The following ZMIZ1 variants were observed in gnomAD, a reference collection of about 807,000 sequenced individuals.
ZMIZ1 encodes the protein zinc finger MIZ-type containing 1, also known as zinc finger MIZ domain-containing protein 1.
In ZMIZ1, 17 loss-of-function variants were observed where a neutral mutation model predicts 113.9. The observed-to-expected ratio is 0.15, with a 90% CI of 0.10 to 0.22. The LOEUF is 0.22. ZMIZ1 is among the 10% of genes least tolerant of loss of function. The probability of loss-of-function intolerance (pLI) is 1.00; values close to 1 mark genes in which losing one functional copy is unlikely to be tolerated. For synonymous variants in ZMIZ1, 607 were observed against 603.1 expected (o/e 1.01, Z -0.09); for missense variants, 1,059 against 1,477.8 (o/e 0.72, Z 4.65).
At chr10:79,141,380 G>A (rs936898781) in intron 3 of ZMIZ1, among the ~76,000 whole-genome samples, 3 of 152,166 alleles carry the variant, frequency 2.0e-5, no homozygotes, top group African/African-American at 7.2e-5. Context: ...TAAGTTTTAA[G>A]AAGACAAATT....
At chr10:79,276,902 C>A (rs1852325590) in intron 7 of ZMIZ1, among the ~76,000 whole-genome samples, 1 of 152,164 alleles carries the variant, frequency 6.6e-6, no homozygotes. Context: ...TGACTCTCCC[C>A]CTCTTTGCCT....
At chr10:79,299,727 C>A (rs1335890381) in intron 16 of ZMIZ1, among the ~76,000 whole-genome samples, 1 of 152,212 alleles carries the variant, frequency 6.6e-6, no homozygotes, top group African/African-American at 2.4e-5. Flanking sequence ...CACGTGTGAC[C>A]CACTTTGATC....
intron 3 of ZMIZ1, among the ~76,000 whole-genome samples, chr10:79,144,709 C>G (rs940760604): frequency 6.6e-6 from 1 of 152,252 alleles, no homozygotes; most frequent in African/African-American, 2.4e-5. Flanking sequence ...TCATTGCCTT[C>G]CCAGTGAATA....
In ZMIZ1 at chr10:79,202,930, C is replaced by T. The variant is rs183707052; in HGVS notation, c.60+1238C>T. The stretch of plus-strand genomic sequence containing the variant: ...TCCATTTCTCTGAGCCTCAGCTTCC[C>T]CATTTGTCAAATGGGGCCTACCTCG... On this transcript the variant is annotated intron_variant, in intron 5 of 24. Transcript: ENST00000334512. Among the ~76,000 whole-genome samples the T allele has an allele frequency of 3.9e-5, 6 of 152,356 alleles. No individual in the cohort carries two copies. The South Asian group carries it at 8.3e-4, about 21-fold the overall frequency.
intron 1 of ZMIZ1, among the ~76,000 whole-genome samples, chr10:79,075,753 G>T (rs887027453): frequency 2.6e-5 from 4 of 152,212 alleles, no homozygotes; most frequent in Non-Finnish European, 5.9e-5. Flanking sequence ...TTGCCCTCTT[G>T]GAGCCTCTGA....
At chr10:79,270,721 C>T (rs553020732) in intron 7 of ZMIZ1, among the ~76,000 whole-genome samples, 2 of 152,316 alleles carry the variant, frequency 1.3e-5, no homozygotes, top group Non-Finnish European at 2.9e-5. Context: ...ACTCTCCCTT[C>T]TGCTGGCCCC....
chr10:79,147,565 A>G (rs1208705214), intron 3 of ZMIZ1, among the ~76,000 whole-genome samples: 1 of 152,212 alleles, frequency 6.6e-6, no homozygotes, highest in Non-Finnish European at 1.5e-5. Flanking sequence ...TTGTCAGAAC[A>G]CAGACCTTCT....
At chr10:79,095,271 A>G (rs2132241045) in intron 1 of ZMIZ1, among the ~76,000 whole-genome samples, 1 of 152,362 alleles carries the variant, frequency 6.6e-6, no homozygotes, top group South Asian at 2.1e-4. Context: ...TAAATCAGTC[A>G]TGTCTATAAC....
At chr10:79,291,235 T>A in intron 10 of ZMIZ1, 59 bp downstream of exon 10, 1 of 1,498,754 alleles carries the variant, frequency 6.7e-7, no homozygotes, top group Admixed American at 2.1e-5. Flanking sequence ...CTCCTTCCAG[T>A]GGGGAGGGAC....
At chr10:79,094,203 C>T (rs553376739) in intron 1 of ZMIZ1, among the ~76,000 whole-genome samples, 9 of 152,306 alleles carry the variant, frequency 5.9e-5, no homozygotes, top group Middle Eastern at 3.4e-3. Flanking sequence ...TCGGCACAAG[C>T]GAGCCGGGTG....
At chr10:79,190,310 G>A (rs1172830788) in intron 4 of ZMIZ1, among the ~76,000 whole-genome samples, 1 of 152,218 alleles carries the variant, frequency 6.6e-6, no homozygotes, top group African/African-American at 2.4e-5. Flanking sequence ...GGTTGGGGCA[G>A]TTGGGGCTCC....
chr10:79,086,008 C>G (rs1018974358), intron 1 of ZMIZ1, among the ~76,000 whole-genome samples: 1 of 152,194 alleles, frequency 6.6e-6, no homozygotes, highest in East Asian at 1.9e-4. Flanking sequence ...TCTCTCTGCC[C>G]TCTGTGCATT....
intron 6 of ZMIZ1, among the ~76,000 whole-genome samples, chr10:79,212,397 C>T (rs927721570): frequency 2.0e-5 from 3 of 151,914 alleles, no homozygotes; most frequent in African/African-American, 7.3e-5. Context: ...TCTCAAACTC[C>T]TGGGTTCAAA....
chr10:79,101,027 G>A (rs1369020865), intron 1 of ZMIZ1, among the ~76,000 whole-genome samples: 2 of 152,196 alleles, frequency 1.3e-5, no homozygotes, highest in Non-Finnish European at 2.9e-5. Flanking sequence ...GCCTTTGAAG[G>A]AAGAGGGTGG....
chr10:79,225,499 G>A (rs1205867074), intron 7 of ZMIZ1, among the ~76,000 whole-genome samples: 3 of 152,104 alleles, frequency 2.0e-5, no homozygotes, highest in Non-Finnish European at 4.4e-5. Flanking sequence ...GGAGGCTGAG[G>A]TGGGAGGATC....
Position 79,079,019 on chromosome 10 carries a change from A to ACAGT in ZMIZ1, c.-337+9750_-337+9753dup, listed in dbSNP as rs575288115. 3.3e-4 allele frequency among the ~76,000 whole-genome samples: 51 copies of ACAGT among 152,334 alleles called. No individual in the cohort carries two copies. The East Asian group carries it at 6.0e-3, about 18-fold the overall frequency. On this transcript the variant is annotated intron_variant, in intron 1 of 24. Transcript: ENST00000334512. ...AGCCTTTCACAGAGGAGAGGAGGGGACAGTGTCTGCAGAGGCAGAAGTCTT... is the reference window on the plus strand; with the variant it reads ...AGCCTTTCACAGAGGAGAGGAGGGGACAGTCAGTGTCTGCAGAGGCAGAAGTCTT...
intron 14 of ZMIZ1, among the ~76,000 whole-genome samples, chr10:79,298,076 G>T (rs7905321): frequency 2.6e-5 from 4 of 152,000 alleles, no homozygotes; most frequent in African/African-American, 7.3e-5. Context: ...CTTCATTCCC[G>T]CTGTCCTGTC....
chr10:79,314,039 C>T lies in ZMIZ1; in HGVS notation c.*1290C>T. The T allele has an allele frequency of 2.2e-6, 1 of 456,840 alleles. No individual in the cohort carries two copies. Among genetic ancestry groups the T allele is most frequent in the South Asian group, 1.5e-5 (1 of 64,570 alleles). 28.3% of individuals were successfully genotyped at this position (456,840 alleles called of 1,614,324 possible). ...GGGGGGCGTGTTTCTGGGCCTGCCCCAGACACTGCCCTTGGCTGCCAGCCT... is the reference window on the plus strand; with the variant it reads ...GGGGGGCGTGTTTCTGGGCCTGCCCTAGACACTGCCCTTGGCTGCCAGCCT... On this transcript the variant is annotated 3_prime_UTR_variant, in exon 25 of 25. Coordinates refer to ENST00000334512, the MANE Select transcript of ZMIZ1 (RefSeq NM_020338.4).
chr10:79,073,436 C>G (rs545570575), intron 1 of ZMIZ1, among the ~76,000 whole-genome samples: 4 of 152,344 alleles, frequency 2.6e-5, no homozygotes, highest in African/African-American at 9.6e-5. Flanking sequence ...GCATGCCCCC[C>G]ACAGGACAGG....
Sources: allele counts gnomAD v4.1 joint callset (sites outside exome capture counted in the v4.1 genomes callset), GRCh38; gene constraint gnomAD v4.1.1; transcripts MANE v1.5; gene names NCBI Gene and HGNC (gene_info 2026-07-23, HGNC 2026-07-21).